The following AKT3 variants were observed in gnomAD, a reference collection of about 807,000 sequenced individuals.
AKT3 encodes the protein AKT serine/threonine kinase 3.
AKT3 carries 15 observed loss-of-function variants against 65.3 expected under a neutral mutation model. That is an observed-to-expected ratio of 0.23 (90% CI 0.15 to 0.35). The LOEUF is 0.35. AKT3 is among the 10% of genes least tolerant of loss of function. The pLI, the probability that AKT3 is intolerant of heterozygous loss-of-function variation, is 1.00. For synonymous variants in AKT3, 206 were observed against 183.8 expected, an observed-to-expected ratio of 1.12 and a Z score of -0.98; for missense variants, 243 against 576.5, an observed-to-expected ratio of 0.42 and a Z score of 5.92.
chr1:243,552,018 G>A (rs1218687524), intron 11 of AKT3, among the ~76,000 whole-genome samples: 3 of 152,016 alleles, frequency 2.0e-5, no homozygotes, highest in Non-Finnish European at 2.9e-5. Context: ...GGCCGGGTGC[G>A]GTGGCTCACG....
intron 12 of AKT3, among the ~76,000 whole-genome samples, chr1:243,526,660 A>G (rs1201905909): frequency 6.6e-6 from 1 of 152,074 alleles, no homozygotes; most frequent in Non-Finnish European, 1.5e-5. Context: ...TGTACTCACT[A>G]AACTATCAAC....
In AKT3 at chr1:243,567,548, C is replaced by T. The variant is rs571025128; in HGVS notation, c.820-3700G>A. Among the ~76,000 whole-genome samples, 3 of 148,430 alleles carry T rather than the reference C, an allele frequency of 2.0e-5. No individual in the cohort carries two copies. The South Asian group carries it at 6.4e-4, about 32-fold the overall frequency. Reference sequence around the variant, plus strand: ...TTTGCCATGTTGCCCAGGCTGGTCCCGAACTCCTGAGTTCAAACAGTCCTC... The same window carrying T: ...TTTGCCATGTTGCCCAGGCTGGTCCTGAACTCCTGAGTTCAAACAGTCCTC... On this transcript the variant is annotated intron_variant, in intron 9 of 13. Transcript: ENST00000673466.
chr1:243,638,634 G>A (rs1452953275), intron 5 of AKT3, among the ~76,000 whole-genome samples: 1 of 152,054 alleles, frequency 6.6e-6, no homozygotes, highest in Non-Finnish European at 1.5e-5. Flanking sequence ...AATTGTATAT[G>A]ATCAGTTTAC....
Position 243,843,237 on chromosome 1 carries a change from A to T in AKT3, c.-67T>A. ...TTGTGATATCAGCTTTAGGGTTTGG[A>T]TTCTCTGCTGCTGCTGCCCTTCCCA... On this transcript the variant is annotated 5_prime_UTR_variant, in exon 2 of 14. Coordinates refer to ENST00000673466, the MANE Select transcript of AKT3 (RefSeq NM_005465.7). The T allele has an allele frequency of 1.9e-6, 3 of 1,571,200 alleles. No homozygotes were observed. Among genetic ancestry groups the T allele is most frequent in the Non-Finnish European group, 1.7e-6 (2 of 1,153,982 alleles).
chr1:243,788,442 G>T (rs797006204), intron 2 of AKT3, among the ~76,000 whole-genome samples: 7 of 152,256 alleles, frequency 4.6e-5, no homozygotes, highest in African/African-American at 1.7e-4. Flanking sequence ...TCGTGGGGGG[G>T]ACTGATTCCG....
intron 10 of AKT3, among the ~76,000 whole-genome samples, chr1:243,559,180 G>A (rs1673600334): frequency 1.3e-5 from 2 of 152,062 alleles, no homozygotes; most frequent in African/African-American, 4.8e-5. Flanking sequence ...TTTACTATAA[G>A]TTTATTTCCT....
intron 3 of AKT3, among the ~76,000 whole-genome samples, chr1:243,681,305 C>T (rs1457386289): frequency 1.3e-5 from 2 of 152,084 alleles, no homozygotes; most frequent in African/African-American, 2.4e-5. Flanking sequence ...TAATTTATTA[C>T]TATACTACTC....
intron 3 of AKT3, among the ~76,000 whole-genome samples, chr1:243,669,258 C>T (rs4658403): frequency 0.74 from 112,708 of 152,026 alleles, 42,997 homozygotes; most frequent in Non-Finnish European, 0.83. Context: ...AGGACAGTGA[C>T]AGGACATAGG....
intron 2 of AKT3, among the ~76,000 whole-genome samples, chr1:243,816,100 G>C (rs1417615739): frequency 6.6e-6 from 1 of 152,018 alleles, no homozygotes; most frequent in Non-Finnish European, 1.5e-5. Flanking sequence ...ACCCTACTTG[G>C]TTTCTACTAT....
chr1:243,531,586 CTG>C (rs1671535594), intron 12 of AKT3, among the ~76,000 whole-genome samples: 1 of 151,774 alleles, frequency 6.6e-6, no homozygotes, highest in South Asian at 2.1e-4. Context: ...TTTTGTTTTT[CTG>C]TGTTTGTTTT....
chr1:243,831,739 T>C (rs10157763), intron 2 of AKT3, among the ~76,000 whole-genome samples: 76,743 of 151,822 alleles, frequency 0.51, 23,534 homozygotes, highest in Non-Finnish European at 0.68. Context: ...TTCCACAAGG[T>C]GGAAGATACT....
intron 2 of AKT3, among the ~76,000 whole-genome samples, chr1:243,759,205 C>T (rs755720475): frequency 3.8e-4 from 58 of 152,128 alleles, no homozygotes; most frequent in Non-Finnish European, 6.6e-4. Flanking sequence ...GTCCCAGATA[C>T]TCAGGAAACT....
intron 2 of AKT3, among the ~76,000 whole-genome samples, chr1:243,710,316 A>C (rs1686065838): frequency 6.6e-6 from 1 of 152,174 alleles, no homozygotes; most frequent in African/African-American, 2.4e-5. Flanking sequence ...TTTATAAAAA[A>C]CAACAAAAAT....
chr1:243,569,651 C>A (rs903485782), intron 9 of AKT3, among the ~76,000 whole-genome samples: 3 of 152,156 alleles, frequency 2.0e-5, no homozygotes, highest in African/African-American at 2.4e-5. Flanking sequence ...CATATTAATA[C>A]TGTAAATGGT....
chr1:243,741,199 G>C (rs1462231884), intron 2 of AKT3, among the ~76,000 whole-genome samples: 2 of 152,090 alleles, frequency 1.3e-5, no homozygotes, highest in Non-Finnish European at 2.9e-5. Context: ...TTTGTTTCAT[G>C]CAAGCACGTA....
chr1:243,545,449 A>G (rs1672599798), intron 12 of AKT3, 61 bp downstream of exon 12: 1 of 932,804 alleles, frequency 1.1e-6, no homozygotes, highest in Non-Finnish European at 1.7e-6. Flanking sequence ...TATTTTTGCT[A>G]TAAATTCATT....
downstream of AKT3, among the ~76,000 whole-genome samples, chr1:243,495,308 T>C (rs1248985956): frequency 4.6e-5 from 7 of 152,208 alleles, no homozygotes; most frequent in Admixed American, 3.9e-4. Flanking sequence ...TCCCACTTCA[T>C]GTCTGCAAGG....
intron 9 of AKT3, among the ~76,000 whole-genome samples, chr1:243,567,903 G>C (rs1674286965): frequency 6.6e-6 from 1 of 152,150 alleles, no homozygotes; most frequent in Admixed American, 6.5e-5. Flanking sequence ...TTAGTAGGGT[G>C]ATTCGTAAAC....
At chr1:243,693,824 C>T (rs892036057) in intron 3 of AKT3, among the ~76,000 whole-genome samples, 8 of 152,088 alleles carry the variant, frequency 5.3e-5, no homozygotes, top group Non-Finnish European at 1.2e-4. Flanking sequence ...AGAGTAAGAT[C>T]CATGTTACTA....
Sources: gnomAD v4.1 joint callset for allele counts (sites outside exome capture counted in the v4.1 genomes callset) on GRCh38, gnomAD v4.1.1 for gene constraint, MANE v1.5 for transcripts, NCBI Gene and HGNC (gene_info 2026-07-23, HGNC 2026-07-21) for gene names.